The following SUPT20H variants were observed in gnomAD, a reference collection of about 807,000 sequenced individuals.
SUPT20H encodes SPT20 homolog, SAGA complex component.
In SUPT20H, 82 loss-of-function variants were observed where a neutral mutation model predicts 122.8. The ratio of observed to expected loss-of-function variants is 0.67; its 90% CI spans 0.56 to 0.80. The LOEUF (loss-of-function observed/expected upper bound fraction) is 0.80. SUPT20H is among the 30% of genes least tolerant of loss of function. The probability of loss-of-function intolerance (pLI) is 0.00; values close to 1 mark genes in which losing one functional copy is unlikely to be tolerated. For synonymous variants in SUPT20H, 291 were observed against 313.0 expected, an observed-to-expected ratio of 0.93 and a Z score of 0.74; for missense variants, 831 against 921.6, an observed-to-expected ratio of 0.90 and a Z score of 1.27.
At chr13:37,040,720 A>ATT in intron 7 of SUPT20H, 28 bp from the exon 8 acceptor site, 1 of 1,557,092 alleles carries the variant, frequency 6.4e-7, no homozygotes. Flanking sequence ...CGTAAACGTC[A>ATT]TTTTTTTTTC....
chr13:37,047,527 A>G lies in SUPT20H; in HGVS notation c.165+8T>C. ...AAAAGCTACAACATAATAAAAATGTATACTTACCTTAACTTCAGGTTCTTT... is the reference window on the plus strand; with the variant it reads ...AAAAGCTACAACATAATAAAAATGTGTACTTACCTTAACTTCAGGTTCTTT... On this transcript the variant is annotated splice_region_variant and intron_variant, in intron 5 of 25. Coordinates refer to ENST00000350612, the MANE Select transcript of SUPT20H (RefSeq NM_001014286.3). 1 of 1,441,506 alleles carries G rather than the reference A, an allele frequency of 6.9e-7. No homozygotes were observed. Among genetic ancestry groups the G allele is most frequent in the Non-Finnish European group, 9.2e-7 (1 of 1,082,516 alleles). 89.3% of individuals were successfully genotyped at this position (1,441,506 alleles called of 1,614,324 possible).
intron 2 of SUPT20H, 115 bp downstream of exon 2, chr13:37,051,373 A>T: frequency 1.9e-6 from 2 of 1,058,730 alleles, no homozygotes; most frequent in Non-Finnish European, 2.7e-6. Flanking sequence ...CCCAGTTGGG[A>T]TAACCTGTAC....
rs1048479353 is a variant in SUPT20H at position 37,009,614 on chromosome 13, A to G, written c.*58T>C. 7.5e-6 allele frequency: 12 copies of G among 1,603,098 alleles called. No homozygotes were observed. The highest frequency in any genetic ancestry group is 3.4e-5 in the Admixed American group (2 of 59,618). On this transcript the variant is annotated 3_prime_UTR_variant, in exon 26 of 26. Coordinates refer to ENST00000350612, the MANE Select transcript of SUPT20H (RefSeq NM_001014286.3). ...AAAAAAAACAAAAAGTAGAAACTCA[A>G]TTCTTTTGATTCAGTGCTCTTGTGT...
At chr13:37,052,781 C>G (rs181345635) in intron 1 of SUPT20H, among the ~76,000 whole-genome samples, 1 of 152,070 alleles carries the variant, frequency 6.6e-6, no homozygotes, top group Non-Finnish European at 1.5e-5. Flanking sequence ...TGCAATCTAT[C>G]CTTCTGACAA....
At chr13:37,015,692 G>T (rs2060345831) in intron 23 of SUPT20H, among the ~76,000 whole-genome samples, 1 of 152,130 alleles carries the variant, frequency 6.6e-6, no homozygotes, top group South Asian at 2.1e-4. Context: ...ATATCCAGAA[G>T]AGTTGAAGAC....
chr13:37,037,735 A>C (rs1730464953), intron 9 of SUPT20H, among the ~76,000 whole-genome samples: 2 of 152,200 alleles, frequency 1.3e-5, no homozygotes, highest in South Asian at 4.1e-4. Flanking sequence ...TGTGAACTCT[A>C]TATACCCAAT....
At chr13:37,032,282 G>C (rs987309159) in intron 10 of SUPT20H, among the ~76,000 whole-genome samples, 1 of 152,074 alleles carries the variant, frequency 6.6e-6, no homozygotes, top group African/African-American at 2.4e-5. Flanking sequence ...TGTGAGCTGA[G>C]ATAGGAATGA....
At chr13:37,009,904 G>A in intron 25 of SUPT20H, 95 bp from the exon 26 acceptor site, 1 of 1,499,364 alleles carries the variant, frequency 6.7e-7, no homozygotes, top group Non-Finnish European at 8.9e-7. Flanking sequence ...AACTGAAAAA[G>A]GGAGAAAGCA....
chr13:37,009,824 G>A lies in SUPT20H; in HGVS notation c.2203-15C>T, dbSNP rs918328251. On this transcript the variant is annotated splice_polypyrimidine_tract_variant and intron_variant, in intron 25 of 25. Transcript: ENST00000350612. ...AATCGCAACTGCTGCAAAAGGGAGG[G>A]AAAAAAATCGAGTTATGTTAAATGC... 5 of 1,598,454 alleles carry A rather than the reference G, an allele frequency of 3.1e-6. No individual in the cohort carries two copies. The highest frequency in any genetic ancestry group is 4.3e-6 in the Non-Finnish European group (5 of 1,175,340).
Position 37,028,225 on chromosome 13 carries a change from A to C in SUPT20H, c.1074T>G (p.Leu358=), listed in dbSNP as rs769470962. The change falls in exon 14 of 26, where the codon CTT becomes CTG. Residue 358 remains leucine (L), a synonymous_variant. Coordinates refer to ENST00000350612, the MANE Select transcript of SUPT20H (RefSeq NM_001014286.3). ...QKTKLTILQS[L]GDPLYYGKIQ... ...TTTTACCATAGTAAAGTGGATCTCC[A>C]AGCGACTGCAAGATGGTCAGCTTTG... The C allele has an allele frequency of 6.2e-7, 1 of 1,613,438 alleles. No homozygotes were observed. The highest frequency in any genetic ancestry group is 1.1e-5 in the South Asian group (1 of 91,026).
intron 1 of SUPT20H, among the ~76,000 whole-genome samples, chr13:37,057,646 C>T (rs1222868806): frequency 6.6e-6 from 1 of 152,014 alleles, no homozygotes; most frequent in South Asian, 2.1e-4. Context: ...AGTTCCAGAC[C>T]TGCCTGAGCA....
At chr13:37,048,185 C>T (rs1019260742) in intron 3 of SUPT20H, among the ~76,000 whole-genome samples, 9 of 152,122 alleles carry the variant, frequency 5.9e-5, no homozygotes, top group Non-Finnish European at 1.2e-4. Context: ...CATGACTTCA[C>T]AGGTCAGAAA....
At chr13:37,048,696 A>G in intron 2 of SUPT20H, 97 bp from the exon 3 acceptor site, 1 of 1,108,008 alleles carries the variant, frequency 9.0e-7, no homozygotes, top group Non-Finnish European at 1.3e-6. Context: ...AAACAGGTCT[A>G]ATATATTTTC....
intron 24 of SUPT20H, 159 bp from the exon 25 acceptor site, chr13:37,010,814 TCTC>T (rs920097936): frequency 4.3e-5 from 24 of 554,764 alleles, no homozygotes; most frequent in Admixed American, 6.1e-5. Flanking sequence ...TAGTATATGG[TCTC>T]CTGTTAGTTG....
intron 9 of SUPT20H, among the ~76,000 whole-genome samples, chr13:37,034,057 C>G (rs1376923206): frequency 2.0e-5 from 3 of 152,180 alleles, no homozygotes; most frequent in African/African-American, 7.2e-5. Context: ...TCCACCACTC[C>G]CCAGTGTGGG....
chr13:37,010,414 T>A, intron 25 of SUPT20H, 138 bp downstream of exon 25: 1 of 732,264 alleles, frequency 1.4e-6, no homozygotes, highest in South Asian at 1.9e-5. Context: ...AATGTCAGAC[T>A]TTAAAATTTG....
At chr13:37,048,699 A>G in intron 2 of SUPT20H, 100 bp from the exon 3 acceptor site, 3 of 1,064,244 alleles carry the variant, frequency 2.8e-6, no homozygotes, top group Non-Finnish European at 4.0e-6. Flanking sequence ...CAGGTCTAAT[A>G]TATTTTCCTT....
Position 37,022,105 on chromosome 13 carries a change from T to C in SUPT20H, c.1592-25A>G, listed in dbSNP as rs1322692141. The C allele has an allele frequency of 3.9e-5, 63 of 1,613,848 alleles. No individual in the cohort carries two copies. Among genetic ancestry groups the C allele is most frequent in the Non-Finnish European group, 4.7e-5 (55 of 1,179,964 alleles). ...CCTGGAGTTATAGATGTTACCATGG[T>C]GGAAAGAGGAATGGTTGTTACAGGC... On this transcript the variant is annotated intron_variant, in intron 19 of 25. Coordinates refer to ENST00000350612, the MANE Select transcript of SUPT20H (RefSeq NM_001014286.3). This position sits in a 1 kb window ranked among gnomAD's most constrained non-coding sequence, Gnocchi z 4.5.
intron 9 of SUPT20H, among the ~76,000 whole-genome samples, chr13:37,036,693 C>T (rs956513610): frequency 6.6e-6 from 1 of 152,028 alleles, no homozygotes; most frequent in Admixed American, 6.6e-5. Context: ...TTCTTTATCT[C>T]TTTGCACCCC....
Sources: allele counts gnomAD v4.1 joint callset (sites outside exome capture counted in the v4.1 genomes callset), GRCh38; gene constraint gnomAD v4.1.1; non-coding constraint Gnocchi (gnomAD v3.1); transcripts MANE v1.5; gene names NCBI Gene and HGNC (gene_info 2026-07-23, HGNC 2026-07-21).